Variants in TNC observed in about 807,000 individuals in gnomAD.
The protein encoded by TNC is tenascin.
In TNC, 109 loss-of-function variants were observed where a neutral mutation model predicts 202.4. That is an observed-to-expected ratio of 0.54 (90% CI 0.46 to 0.63). The LOEUF is 0.63. TNC is among the 30% of genes least tolerant of loss of function. The probability of loss-of-function intolerance (pLI) is 0.00; values close to 1 mark genes in which losing one functional copy is unlikely to be tolerated. For synonymous variants in TNC, 1,007 were observed against 1,089.7 expected (o/e 0.92, Z 1.50); for missense variants, 2,756 against 2,833.3 (o/e 0.97, Z 0.62).
At chr9:115,043,812 G>T (rs923069806) in intron 17 of TNC, among the ~76,000 whole-genome samples, 1 of 152,170 alleles carries the variant, frequency 6.6e-6, no homozygotes, top group African/African-American at 2.4e-5. Flanking sequence ...TGCCAACCTG[G>T]TGTACTCGCA....
chr9:115,059,630 A>G lies in TNC; in HGVS notation c.4306+100T>C, dbSNP rs1588088800. ...ACAGCCGGCCACTGAAAGGCACATGAAAAGGATTCAGTTATGGCGAGATGC... is the reference window on the plus strand; with the variant it reads ...ACAGCCGGCCACTGAAAGGCACATGGAAAGGATTCAGTTATGGCGAGATGC... On this transcript the variant is annotated intron_variant, in intron 14 of 27. Transcript: ENST00000350763. The G allele has an allele frequency of 5.4e-6, 7 of 1,297,724 alleles. No individual in the cohort carries two copies. In the East Asian group the frequency reaches 1.6e-4, roughly 30 times the overall value. 80.4% of individuals were successfully genotyped at this position (1,297,724 alleles called of 1,614,324 possible). A position where few individuals can be genotyped will look rare whatever the true frequency, so the allele number is the denominator to read the frequency against.
At chr9:115,082,656 T>G in intron 5 of TNC, 36 bp downstream of exon 5, 465 of 1,460,976 alleles carry the variant, frequency 3.2e-4, no homozygotes, top group Non-Finnish European at 4.1e-4. Context: ...TTCAAATCCT[T>G]GAGATCAAAT....
intron 24 of TNC, 130 bp downstream of exon 24, chr9:115,030,124 T>C (rs1459818682): frequency 1.1e-6 from 1 of 941,554 alleles, no homozygotes; most frequent in Non-Finnish European, 1.5e-6. Context: ...TGACAGGCAC[T>C]ATCTTGCAAG....
At chr9:115,099,790 G>T (rs1472608253) in intron 1 of TNC, among the ~76,000 whole-genome samples, 1 of 152,176 alleles carries the variant, frequency 6.6e-6, no homozygotes, top group Non-Finnish European at 1.5e-5. Flanking sequence ...CTAACAGAAG[G>T]CTAGTCTCTG....
chr9:115,041,304 AGG>A (rs1236922141), intron 18 of TNC, among the ~76,000 whole-genome samples: 1 of 106,926 alleles, frequency 9.4e-6, no homozygotes, highest in African/African-American at 4.0e-5. Context: ...CAAAGCCAGG[AGG>A]GGCGGGGGAA....
rs1349033624 is a variant in TNC, at chr9:115,076,017, C to G, written c.2950+15G>C. The G allele has an allele frequency of 6.8e-6, 11 of 1,609,628 alleles. No individual in the cohort carries two copies. The highest frequency in any genetic ancestry group is 8.5e-6 in the Non-Finnish European group (10 of 1,175,926). On this transcript the variant is annotated intron_variant, in intron 9 of 27. Transcript: ENST00000350763. ...GCACCAGCTCAGTGGGATGGGAATT[C>G]CAGGTGTGCCCCACCTGTGGCTGCG...
intron 23 of TNC, among the ~76,000 whole-genome samples, chr9:115,031,213 C>A (rs1462055144): frequency 6.6e-6 from 1 of 152,186 alleles, no homozygotes; most frequent in East Asian, 1.9e-4. Context: ...AATGCAATAC[C>A]TCATGAACAC....
At chr9:115,045,409 C>T (rs1831098794) in intron 17 of TNC, among the ~76,000 whole-genome samples, 3 of 152,054 alleles carry the variant, frequency 2.0e-5, no homozygotes, top group Admixed American at 2.0e-4. Context: ...CTCTGTCGTC[C>T]AGGTGGGAAT....
chr9:115,040,134 T>G (rs1419529382), intron 19 of TNC, among the ~76,000 whole-genome samples: 1 of 152,234 alleles, frequency 6.6e-6, no homozygotes, highest in Non-Finnish European at 1.5e-5. Context: ...TACAGTGTAC[T>G]GTACAAATCA....
chr9:115,084,422 T>G lies in TNC; in HGVS notation c.1918A>C (p.Asn640His). 6.2e-7 allele frequency: 1 copy of G among 1,614,208 alleles called. No individual in the cohort carries two copies. Among genetic ancestry groups the G allele is most frequent in the Admixed American group, 1.7e-5 (1 of 60,028 alleles). Residue 640 changes from asparagine to histidine, a missense_variant, in exon 4 of 28, where the codon AAC becomes CAC. Physicochemically the swap from Asn to His is moderately conservative, Grantham distance 68. Coordinates refer to ENST00000350763, the MANE Select transcript of TNC (RefSeq NM_002160.4). The stretch of plus-strand genomic sequence containing the variant: ...CGCATCTCATTGTCCCAGGCCAGGT[T>G]GACCGTCTCTTCCGTCACTTCTGTC... Reference protein sequence around the residue: ...VVTEVTEETVNLAWDNEMRVT... With the variant: ...VVTEVTEETVHLAWDNEMRVT...
intron 22 of TNC, 142 bp downstream of exon 22, chr9:115,035,062 G>T: frequency 1.2e-6 from 1 of 846,406 alleles, no homozygotes; most frequent in Non-Finnish European, 1.7e-6. Flanking sequence ...GGTCTGGCAT[G>T]CCATCCAGTC....
At chr9:115,101,903 G>C (rs1836266225) in intron 1 of TNC, among the ~76,000 whole-genome samples, 1 of 152,140 alleles carries the variant, frequency 6.6e-6, no homozygotes, top group African/African-American at 2.4e-5. Context: ...TCATTAAGAA[G>C]TTGACATAAT....
chr9:115,070,493 G>T (rs554388124), intron 10 of TNC, among the ~76,000 whole-genome samples: 1 of 152,350 alleles, frequency 6.6e-6, no homozygotes, highest in African/African-American at 2.4e-5. Flanking sequence ...ATTCTGTAGG[G>T]CCCTGTAACC....
chr9:115,031,484 A>G, intron 23 of TNC, 69 bp downstream of exon 23: 1 of 1,397,182 alleles, frequency 7.2e-7, no homozygotes, highest in Non-Finnish European at 9.4e-7. Flanking sequence ...TAGAAGTCAA[A>G]GGGGAAGTCA....
rs767682986 is a variant in TNC at position 115,063,850 on chromosome 9, G to A, written c.3706C>T (p.Arg1236Cys). 3.1e-6 allele frequency: 5 copies of A among 1,614,014 alleles called. No homozygotes were observed. The highest frequency in any genetic ancestry group is 1.7e-5 in the Admixed American group (1 of 59,990). Residue 1236 changes from arginine to cysteine, a missense_variant, in exon 12 of 28, where the codon CGC becomes TGC. By Grantham distance (180) the Arg-to-Cys change is radical. Around this residue, in one of 2 missense-constraint regions of TNC, gnomAD observed 2,559 missense variants for 2,546.0 expected, o/e 1.01. Transcript: ENST00000350763. ...KAATHYTITIRGVTQDFSTTP... is the reference protein window; with the variant it reads ...KAATHYTITICGVTQDFSTTP... The stretch of plus-strand genomic sequence containing the variant: ...GTGCTGAAGTCCTGAGTGACCCCGC[G>A]GATGGTGATGGTATAATGAGTGGCT...
chr9:115,087,104 G>T lies in TNC; in HGVS notation c.627C>A (p.Asp209Glu), dbSNP rs138151398. ...GGCTGCAGTCCTCGCCCGTGAAGCC[G>T]TCGTCACAGATGCACTGCCCATCAA... ...RCIDGQCICD[D>E]GFTGEDCSQL... The change falls in exon 3 of 28, where the codon GAC (aspartate) becomes GAA (glutamate). Residue 209 changes from aspartate (D) to glutamate (E), a missense_variant. Asp to Glu is a conservative substitution (Grantham distance 45, BLOSUM62 2). Transcript: ENST00000350763. 6.2e-7 allele frequency: 1 copy of T among 1,614,212 alleles called. No homozygotes were observed. Among genetic ancestry groups the T allele is most frequent in the African/African-American group, 1.3e-5 (1 of 75,060 alleles).
intron 23 of TNC, among the ~76,000 whole-genome samples, chr9:115,031,139 T>A (rs1018598252): frequency 6.6e-6 from 1 of 152,208 alleles, no homozygotes; most frequent in African/African-American, 2.4e-5. Context: ...TTTCAGCTCA[T>A]GTTGAACTCT....
rs1262699503 is a variant in TNC, at chr9:115,095,482, ATATATATATG to A, written c.-136-4338_-136-4329del. On this transcript the variant is annotated intron_variant, in intron 1 of 27. Coordinates refer to ENST00000350763, the MANE Select transcript of TNC (RefSeq NM_002160.4). ...TGTATATATATATGTATATATATGT[ATATATATATG>A]TATATATATGTATATATATATGTAT... is the stretch of plus-strand genomic sequence containing the variant. Among the ~76,000 whole-genome samples, 100 of 39,494 alleles carry A rather than the reference ATATATATATG, an allele frequency of 2.5e-3. 11 individuals carry two copies. The highest frequency in any genetic ancestry group is 0.012 in the East Asian group (17 of 1,366). 25.9% of individuals were successfully genotyped at this position (39,494 alleles called of 152,430 possible).
At position 115,023,837 on chromosome 9, in the gene TNC, T is replaced by C. The variant is rs190795314; in HGVS notation, c.6495+136A>G. The C allele has an allele frequency of 2.3e-3, 2,403 of 1,055,646 alleles. 5 individuals carry two copies. The highest frequency in any genetic ancestry group is 3.1e-3 in the Non-Finnish European group (2,200 of 719,708). The allele number at this position is 1,055,646 out of a possible 1,614,324, so 65.4% of individuals were successfully genotyped here. Reference sequence around the variant, plus strand: ...GTGTCCTTGAGATTGCTCACTGCCTTGGGAAAAACATGTTGTCATACAAGT... The same window carrying C: ...GTGTCCTTGAGATTGCTCACTGCCTCGGGAAAAACATGTTGTCATACAAGT... On this transcript the variant is annotated intron_variant, in intron 27 of 27. Transcript: ENST00000350763.
Sources: gnomAD v4.1 joint callset for allele counts (sites outside exome capture counted in the v4.1 genomes callset) on GRCh38, gnomAD v4.1.1 for gene constraint, gnomAD v4.1.1 regional missense constraint, MANE v1.5 for transcripts, NCBI Gene and HGNC (gene_info 2026-07-23, HGNC 2026-07-21) for gene names.